Variants in TRDN observed in about 807,000 individuals in gnomAD.
TRDN encodes the protein triadin.
TRDN carries 161 observed loss-of-function variants against 149.7 expected under a neutral mutation model. The ratio of observed to expected loss-of-function variants is 1.08; its 90% confidence interval spans 0.95 to 1.23. The LOEUF is 1.23. Ranked by LOEUF, TRDN falls within the 50% of genes most tolerant of loss-of-function variation. TRDN has a pLI of 0.00. For synonymous variants in TRDN, 294 were observed against 250.5 expected (o/e 1.17, Z -1.64); for missense variants, 896 against 823.5 (o/e 1.09, Z -1.08).
chr6:123,469,191 G>A (rs1392917338), intron 9 of TRDN, among the ~76,000 whole-genome samples: 1 of 152,176 alleles, frequency 6.6e-6, no homozygotes, highest in East Asian at 1.9e-4. Context: ...TATTTTGAAA[G>A]TTTGGAATTT....
intron 5 of TRDN, among the ~76,000 whole-genome samples, chr6:123,528,157 GAA>G (rs1780042236): frequency 6.6e-6 from 1 of 151,718 alleles, no homozygotes; most frequent in African/African-American, 2.4e-5. Flanking sequence ...AATTTCTTAA[GAA>G]AAAGAGTCAG....
intron 38 of TRDN, among the ~76,000 whole-genome samples, chr6:123,234,927 C>T (rs1006027427): frequency 2.6e-5 from 4 of 151,928 alleles, no homozygotes; most frequent in Non-Finnish European, 5.9e-5. Flanking sequence ...AGGCTAGGAT[C>T]GTTTGTTAAG....
intron 1 of TRDN, among the ~76,000 whole-genome samples, chr6:123,623,745 C>G (rs1437503711): frequency 6.6e-6 from 1 of 152,136 alleles, no homozygotes; most frequent in Admixed American, 6.6e-5. Flanking sequence ...AAACATTCTT[C>G]AAATGTTAAC....
intron 1 of TRDN, among the ~76,000 whole-genome samples, chr6:123,636,157 T>G (rs1302999896): frequency 2.0e-5 from 3 of 151,992 alleles, no homozygotes; most frequent in Admixed American, 1.3e-4. Flanking sequence ...TCTTTATCTC[T>G]GAATTTCCAT....
intron 12 of TRDN, 73 bp from the exon 13 acceptor site, chr6:123,393,750 G>A: frequency 7.2e-7 from 1 of 1,393,872 alleles, no homozygotes; most frequent in Non-Finnish European, 9.8e-7. Context: ...AAGGGACAGG[G>A]GAGCACAAAC....
chr6:123,350,859 T>C, intron 21 of TRDN: 1 of 983,868 alleles, frequency 1.0e-6, no homozygotes, highest in Non-Finnish European at 1.2e-6. Context: ...TAAAAGAAGA[T>C]TTTAGTAAAC....
At chr6:123,530,069 G>A (rs1267076094) in intron 5 of TRDN, among the ~76,000 whole-genome samples, 1 of 151,626 alleles carries the variant, frequency 6.6e-6, no homozygotes, top group Non-Finnish European at 1.5e-5. Flanking sequence ...TTTCTTACAT[G>A]ACCTCTGCCA....
chr6:123,453,970 A>G (rs1048401101), intron 10 of TRDN, among the ~76,000 whole-genome samples: 1 of 152,084 alleles, frequency 6.6e-6, no homozygotes, highest in Non-Finnish European at 1.5e-5. Flanking sequence ...ATGAATTAAC[A>G]GCATTTGCAG....
chr6:123,570,948 A>G lies in TRDN; in HGVS notation c.207T>C (p.Asp69=), dbSNP rs1182769027. The change falls in exon 2 of 41, where the codon GAT becomes GAC. Residue 69 remains aspartate, a synonymous_variant. Coordinates refer to ENST00000334268, the MANE Select transcript of TRDN (RefSeq NM_006073.4). ...TWSAVAIVMF[D]LVDYKNFSAS... is the part of the protein sequence containing the mutation. ...CTGAAAAGTTTTTGTAATCCACTAA[A>G]TCAAACATAACGATGGCAACAGCTG... is the stretch of plus-strand genomic sequence containing the variant. 1.9e-6 allele frequency: 3 copies of G among 1,613,884 alleles called. No homozygotes were observed. The highest frequency in any genetic ancestry group is 1.3e-5 in the African/African-American group (1 of 74,938).
chr6:123,322,731 C>T (rs938739636), intron 23 of TRDN, among the ~76,000 whole-genome samples: 2 of 151,720 alleles, frequency 1.3e-5, no homozygotes, highest in Non-Finnish European at 2.9e-5. Context: ...ACCTCCACCT[C>T]CTGGATTCAT....
At chr6:123,457,667 G>A (rs889386919) in intron 10 of TRDN, 190 of 384,504 alleles carry the variant, frequency 4.9e-4, no homozygotes, top group Non-Finnish European at 1.7e-4. Flanking sequence ...ACACTAAGCT[G>A]AATTATACTT....
chr6:123,245,861 T>G (rs941622024), intron 38 of TRDN, among the ~76,000 whole-genome samples: 2 of 152,076 alleles, frequency 1.3e-5, no homozygotes, highest in Non-Finnish European at 2.9e-5. Flanking sequence ...CCTCAGCAAA[T>G]GCAAAAGAAT....
chr6:123,298,433 ACCT>A (rs1303552400), intron 24 of TRDN, among the ~76,000 whole-genome samples: 1 of 151,746 alleles, frequency 6.6e-6, no homozygotes, highest in Admixed American at 6.6e-5. Flanking sequence ...GCCTTTCCTG[ACCT>A]CCTTCCACCA....
At chr6:123,605,597 C>CAAAAAAAA (rs35881822) in intron 1 of TRDN, among the ~76,000 whole-genome samples, 34 of 123,968 alleles carry the variant, frequency 2.7e-4, no homozygotes, top group Admixed American at 3.4e-4. Context: ...ACCCTCTCTA[C>CAAAAAAAA]AAAAAAAAAA....
At chr6:123,492,353 G>C (rs1778257072) in intron 9 of TRDN, among the ~76,000 whole-genome samples, 1 of 152,076 alleles carries the variant, frequency 6.6e-6, no homozygotes, top group Non-Finnish European at 1.5e-5. Flanking sequence ...AAATTACTAA[G>C]CACAAGCACA....
intron 9 of TRDN, among the ~76,000 whole-genome samples, chr6:123,489,911 C>T (rs1778138702): frequency 6.6e-6 from 1 of 152,034 alleles, no homozygotes; most frequent in South Asian, 2.1e-4. Flanking sequence ...TTTTTACAGC[C>T]TACTTTGTTT....
At chr6:123,334,557 G>C (rs1173101057) in intron 22 of TRDN, among the ~76,000 whole-genome samples, 5 of 151,942 alleles carry the variant, frequency 3.3e-5, no homozygotes, top group Non-Finnish European at 7.4e-5. Context: ...TCACTAACAG[G>C]ATTTTCTGTT....
At chr6:123,499,195 G>C (rs9490789) in intron 8 of TRDN, among the ~76,000 whole-genome samples, 126,159 of 151,936 alleles carry the variant, frequency 0.83, 52,575 homozygotes, top group East Asian at 0.88. Context: ...AATGCAGGGA[G>C]TATTTTTAAT....
At chr6:123,403,304 A>G (rs1031975376) in intron 12 of TRDN, among the ~76,000 whole-genome samples, 5 of 152,180 alleles carry the variant, frequency 3.3e-5, no homozygotes, top group African/African-American at 1.2e-4. Context: ...TTGGAATGGA[A>G]AAGAGCATAG....
Sources: allele counts gnomAD v4.1 joint callset (sites outside exome capture counted in the v4.1 genomes callset), GRCh38; gene constraint gnomAD v4.1.1; transcripts MANE v1.5; gene names NCBI Gene and HGNC (gene_info 2026-07-23, HGNC 2026-07-21).